CCDC192: variants seen among roughly 807,000 people sequenced by gnomAD.
The protein encoded by CCDC192 is coiled-coil domain containing 192.
chr5:127,751,902 C>T (rs551298410), intron 2 of CCDC192, among the ~76,000 whole-genome samples: 26 of 152,148 alleles, frequency 1.7e-4, no homozygotes, highest in African/African-American at 5.3e-4. Context: ...TCCAGTTGAT[C>T]GCATCGGCTC....
At chr5:127,891,093 C>T (rs1752718881) in intron 6 of CCDC192, among the ~76,000 whole-genome samples, 1 of 152,188 alleles carries the variant, frequency 6.6e-6, no homozygotes, top group Admixed American at 6.5e-5. Flanking sequence ...GCTCTGTCGC[C>T]CAGGCTGGAG....
At chr5:127,915,608 C>T (rs1753497895) in intron 6 of CCDC192, among the ~76,000 whole-genome samples, 1 of 152,210 alleles carries the variant, frequency 6.6e-6, no homozygotes, top group Non-Finnish European at 1.5e-5. Flanking sequence ...GTCTTGATCT[C>T]CTGACCTCGT....
intron 5 of CCDC192, among the ~76,000 whole-genome samples, chr5:127,855,759 G>C (rs749178394): frequency 1.3e-5 from 2 of 152,182 alleles, no homozygotes; most frequent in Admixed American, 6.5e-5. Context: ...CATTAATCTT[G>C]TGCATCTCTA....
chr5:127,855,111 G>A (rs550621377), intron 5 of CCDC192, among the ~76,000 whole-genome samples: 45 of 152,290 alleles, frequency 3.0e-4, no homozygotes, highest in African/African-American at 1.1e-3. Context: ...GGTGGTGGTG[G>A]TGGTGGATGT....
At chr5:127,819,709 CT>C (rs369048001) in intron 5 of CCDC192, among the ~76,000 whole-genome samples, 257 of 152,226 alleles carry the variant, frequency 1.7e-3, no homozygotes, top group African/African-American at 5.2e-3. Flanking sequence ...TTCTGAAATC[CT>C]TTCATGAAGA....
intron 5 of CCDC192, among the ~76,000 whole-genome samples, chr5:127,805,914 T>C (rs1203140727): frequency 6.6e-6 from 1 of 152,150 alleles, no homozygotes; most frequent in Non-Finnish European, 1.5e-5. Flanking sequence ...TAGCAGAAGC[T>C]TTCAAATTCC....
chr5:127,808,730 C>T (rs913785481), intron 5 of CCDC192, among the ~76,000 whole-genome samples: 2 of 152,176 alleles, frequency 1.3e-5, no homozygotes, highest in African/African-American at 2.4e-5. Context: ...AAGCCAACCT[C>T]TCCTTGTGCA....
intron 2 of CCDC192, 90 bp from the exon 3 acceptor site, chr5:127,754,178 T>A (rs149015771): frequency 3.8e-5 from 15 of 394,718 alleles, no homozygotes; most frequent in Non-Finnish European, 6.3e-5. Flanking sequence ...TGATAAACTC[T>A]TATGGATCTT....
intron 2 of CCDC192, among the ~76,000 whole-genome samples, chr5:127,733,238 C>A (rs1053747743): frequency 1.3e-5 from 2 of 152,124 alleles, no homozygotes; most frequent in Non-Finnish European, 2.9e-5. Flanking sequence ...AATCAACTCC[C>A]AGACTCTCTC....
intron 3 of CCDC192, among the ~76,000 whole-genome samples, chr5:127,762,906 T>C (rs532052921): frequency 1.3e-5 from 2 of 152,234 alleles, no homozygotes; most frequent in African/African-American, 2.4e-5. Context: ...TCAATAAATA[T>C]TAATCGAGTT....
At chr5:127,775,083 T>C (rs1196808968) in intron 3 of CCDC192, among the ~76,000 whole-genome samples, 1 of 152,150 alleles carries the variant, frequency 6.6e-6, no homozygotes, top group Non-Finnish European at 1.5e-5. Flanking sequence ...TGCCTTTTTT[T>C]CCCTGTATTT....
intron 5 of CCDC192, among the ~76,000 whole-genome samples, chr5:127,825,413 C>T (rs1749482340): frequency 6.6e-6 from 1 of 152,132 alleles, no homozygotes; most frequent in African/African-American, 2.4e-5. Context: ...CCATTTTGTT[C>T]AAAGTTGATG....
intron 5 of CCDC192, among the ~76,000 whole-genome samples, chr5:127,873,471 T>C (rs1751943553): frequency 6.6e-6 from 1 of 152,216 alleles, no homozygotes; most frequent in South Asian, 2.1e-4. Flanking sequence ...GTTTAACACG[T>C]ATCTATTGTT....
chr5:127,798,668 C>T (rs2126972072), intron 5 of CCDC192, among the ~76,000 whole-genome samples: 1 of 151,984 alleles, frequency 6.6e-6, no homozygotes, highest in Admixed American at 6.6e-5. Context: ...GCTGATGCTG[C>T]CAGTCTTCAG....
intron 2 of CCDC192, among the ~76,000 whole-genome samples, chr5:127,740,687 A>G (rs1455504471): frequency 1.3e-5 from 2 of 152,236 alleles, no homozygotes; most frequent in Admixed American, 6.5e-5. Flanking sequence ...AGTGTCAATC[A>G]TAAAACATTT....
chr5:127,817,619 G>T (rs10064256), intron 5 of CCDC192, among the ~76,000 whole-genome samples: 3,074 of 152,068 alleles, frequency 0.02, 111 homozygotes, highest in African/African-American at 0.071. Context: ...GGGGTGAGAT[G>T]GATAAGGAGT....
intron 3 of CCDC192, among the ~76,000 whole-genome samples, chr5:127,768,187 G>T (rs1056697179): frequency 6.6e-6 from 1 of 152,044 alleles, no homozygotes; most frequent in Non-Finnish European, 1.5e-5. Flanking sequence ...AGGAGGCAGA[G>T]GTTGCAATGA....
At chr5:127,928,839 C>A (rs1340964148) in intron 6 of CCDC192, among the ~76,000 whole-genome samples, 2 of 151,856 alleles carry the variant, frequency 1.3e-5, no homozygotes, top group Non-Finnish European at 2.9e-5. Context: ...GATCTTGGCT[C>A]ACTGCAACCT....
At chr5:127,827,962 A>G (rs1158314960) in intron 5 of CCDC192, among the ~76,000 whole-genome samples, 1 of 152,098 alleles carries the variant, frequency 6.6e-6, no homozygotes, top group South Asian at 2.1e-4. Flanking sequence ...ACTGGAGTGC[A>G]GTGGCGCGAT....
Sources: gnomAD v4.1 joint callset for allele counts (sites outside exome capture counted in the v4.1 genomes callset) on GRCh38, gnomAD v4.1.1 for gene constraint, MANE v1.5 for transcripts, NCBI Gene and HGNC (gene_info 2026-07-23, HGNC 2026-07-21) for gene names.